Variants in CAMTA1 observed in about 807,000 individuals in gnomAD.
The protein encoded by CAMTA1 is calmodulin-binding transcription activator 1.
CAMTA1 carries 27 observed loss-of-function variants against 170.9 expected under a neutral mutation model. That is an observed-to-expected ratio of 0.16 (90% CI 0.12 to 0.22). The LOEUF is 0.22. CAMTA1 is among the 10% of genes least tolerant of loss of function. CAMTA1 has a pLI of 1.00. For synonymous variants in CAMTA1, 833 were observed against 891.5 expected (o/e 0.93, Z 1.17); for missense variants, 1,619 against 2,217.2 (o/e 0.73, Z 5.42).
chr1:7,596,499 G>A (rs79478434), intron 6 of CAMTA1, among the ~76,000 whole-genome samples: 5 of 152,214 alleles, frequency 3.3e-5, no homozygotes, highest in Admixed American at 2.0e-4. Flanking sequence ...CCAAGGGGCC[G>A]TGAAGCACTC....
chr1:7,595,810 T>C (rs2095395146), intron 6 of CAMTA1, among the ~76,000 whole-genome samples: 1 of 152,178 alleles, frequency 6.6e-6, no homozygotes, highest in African/African-American at 2.4e-5. Context: ...ACTGTTGTGT[T>C]TTCATGGCCC....
chr1:7,237,752 C>T (rs1664147981), intron 4 of CAMTA1, among the ~76,000 whole-genome samples: 1 of 152,196 alleles, frequency 6.6e-6, no homozygotes, highest in Non-Finnish European at 1.5e-5. Flanking sequence ...GTGTTTGGAG[C>T]TGGCCTCTCC....
rs1258557715 is a variant in CAMTA1 at position 7,435,024 on chromosome 1, C to A, written c.439-32806C>A. The stretch of plus-strand genomic sequence containing the variant: ...CTGAGATCCCACCACTGCACTCCAG[C>A]CTGGGTGACAGCAAAACCCTGTCTC... On this transcript the variant is annotated intron_variant, in intron 5 of 22. Transcript: ENST00000303635. This position sits in a 1 kb window ranked among gnomAD's most constrained non-coding sequence, Gnocchi z 4.4. Among the ~76,000 whole-genome samples, 1 of 152,028 alleles carries A rather than the reference C, an allele frequency of 6.6e-6. No homozygotes were observed. The highest frequency in any genetic ancestry group is 2.4e-5 in the African/African-American group (1 of 41,384).
intron 5 of CAMTA1, among the ~76,000 whole-genome samples, chr1:7,298,449 C>G (rs779023354): frequency 2.0e-5 from 3 of 152,130 alleles, no homozygotes; most frequent in Non-Finnish European, 4.4e-5. Flanking sequence ...GGCCATGAGC[C>G]ATGAATAGAA....
chr1:7,314,000 A>G (rs1677124407), intron 5 of CAMTA1, among the ~76,000 whole-genome samples: 1 of 152,210 alleles, frequency 6.6e-6, no homozygotes, highest in Admixed American at 6.5e-5. Flanking sequence ...CTAGATTCCC[A>G]CCCACAGCAG....
At chr1:7,382,337 G>A (rs2087436059) in intron 5 of CAMTA1, 1 of 152,238 alleles carries the variant, frequency 6.6e-6, no homozygotes, top group Non-Finnish European at 1.5e-5. Flanking sequence ...ATGTCTTCTG[G>A]ATATCATTTC....
At chr1:6,937,607 C>T (rs199641859) in intron 3 of CAMTA1, among the ~76,000 whole-genome samples, 3,322 of 32,606 alleles carry the variant, frequency 0.1, 315 homozygotes, top group Non-Finnish European at 0.17. Flanking sequence ...CCATCATCAT[C>T]ACCATCACTA....
At chr1:7,364,230 C>T (rs981383290) in intron 5 of CAMTA1, among the ~76,000 whole-genome samples, 14 of 152,158 alleles carry the variant, frequency 9.2e-5, no homozygotes, top group Non-Finnish European at 1.3e-4. Flanking sequence ...GCGAGACCAG[C>T]GAGGTGTCTT....
chr1:6,906,752 C>G (rs549016632), intron 3 of CAMTA1, among the ~76,000 whole-genome samples: 1 of 152,170 alleles, frequency 6.6e-6, no homozygotes, highest in African/African-American at 2.4e-5. Flanking sequence ...CCCTCATTTT[C>G]GAGTGCAGCA....
At chr1:6,966,293 A>G (rs556296001) in intron 3 of CAMTA1, among the ~76,000 whole-genome samples, 94 of 152,292 alleles carry the variant, frequency 6.2e-4, no homozygotes, top group African/African-American at 1.8e-3. Flanking sequence ...ATTTTAGGAC[A>G]TTTGTGTTAC....
chr1:7,176,663 C>T (rs769891312), intron 4 of CAMTA1, among the ~76,000 whole-genome samples: 13 of 152,190 alleles, frequency 8.5e-5, no homozygotes, highest in Admixed American at 4.6e-4. Context: ...GGAGCACTCA[C>T]GGGTTTCTAC....
At chr1:7,352,191 G>C (rs1201481273) in intron 5 of CAMTA1, among the ~76,000 whole-genome samples, 13 of 152,056 alleles carry the variant, frequency 8.5e-5, no homozygotes, top group Admixed American at 8.5e-4. Context: ...GCGGGGGGAA[G>C]AAGGAAAAGT....
At chr1:6,904,915 C>T (rs1350156970) in intron 3 of CAMTA1, among the ~76,000 whole-genome samples, 2 of 151,848 alleles carry the variant, frequency 1.3e-5, no homozygotes, top group East Asian at 1.9e-4. Context: ...TCGTATTGCA[C>T]GCTGAACACT....
chr1:7,736,994 C>G lies in CAMTA1; in HGVS notation c.3327C>G (p.Phe1109Leu). ...LEVDPLNVDH[F>L]SCTPLMWACA... ...TTGACCCCTTGAATGTGGACCACTT[C>G]TCCTGTACTCCTCTGGTAAGGAATG... The change falls in exon 14 of 23, where the codon TTC becomes TTG. Residue 1109 changes from phenylalanine to leucine, a missense_variant. Phe to Leu is a conservative substitution (Grantham distance 22, BLOSUM62 0). Around this residue, in one of 8 missense-constraint regions of CAMTA1, gnomAD observed 60 missense variants for 128.5 expected, o/e 0.47. Transcript: ENST00000303635. The surrounding 1 kb of genome is among the most constrained non-coding windows in gnomAD (Gnocchi z 4.5). 1 of 1,611,194 alleles carries G rather than the reference C, an allele frequency of 6.2e-7. No homozygotes were observed. The highest frequency in any genetic ancestry group is 1.1e-5 in the South Asian group (1 of 90,784).
intron 3 of CAMTA1, among the ~76,000 whole-genome samples, chr1:7,002,586 G>C (rs1324373553): frequency 6.6e-6 from 1 of 152,204 alleles, no homozygotes; most frequent in Non-Finnish European, 1.5e-5. Context: ...CGACAAGACA[G>C]GGCTGAGGGC....
intron 11 of CAMTA1, among the ~76,000 whole-genome samples, chr1:7,723,028 T>C (rs2096659543): frequency 6.6e-6 from 1 of 152,132 alleles, no homozygotes; most frequent in African/African-American, 2.4e-5. Context: ...CAGGTAGATA[T>C]ATACATATAT....
chr1:6,976,942 C>T (rs1693538158), intron 3 of CAMTA1, among the ~76,000 whole-genome samples: 1 of 152,188 alleles, frequency 6.6e-6, no homozygotes, highest in African/African-American at 2.4e-5. Context: ...GGCAGTTCCC[C>T]TGCACATGAT....
intron 5 of CAMTA1, among the ~76,000 whole-genome samples, chr1:7,384,781 C>T (rs1057080817): frequency 6.6e-5 from 10 of 152,122 alleles, no homozygotes; most frequent in African/African-American, 2.4e-4. Context: ...AGAGCTGCGG[C>T]TTTGGAGATG....
intron 4 of CAMTA1, among the ~76,000 whole-genome samples, chr1:7,200,127 C>T (rs1208463311): frequency 6.6e-6 from 1 of 152,262 alleles, no homozygotes; most frequent in East Asian, 1.9e-4. Context: ...CATAGTTGTT[C>T]ACATTTCACT....
Sources: allele counts gnomAD v4.1 joint callset (sites outside exome capture counted in the v4.1 genomes callset), GRCh38; gene constraint gnomAD v4.1.1; regional missense constraint gnomAD v4.1.1; non-coding constraint Gnocchi (gnomAD v3.1); transcripts MANE v1.5; gene names NCBI Gene and HGNC (gene_info 2026-07-23, HGNC 2026-07-21).